Variants in MACROD2 observed in about 807,000 individuals in gnomAD.
MACROD2 encodes ADP-ribose glycohydrolase MACROD2.
A neutral mutation model predicts 70.4 loss-of-function variants in MACROD2; 36 were observed. The observed-to-expected ratio is 0.51, with a 90% CI of 0.39 to 0.68. The LOEUF is 0.68. MACROD2 is among the 30% of genes least tolerant of loss of function. The pLI, the probability that MACROD2 is intolerant of heterozygous loss-of-function variation, is 0.00. For synonymous variants in MACROD2, 172 were observed against 178.8 expected, an observed-to-expected ratio of 0.96 and a Z score of 0.30; for missense variants, 496 against 538.4, an observed-to-expected ratio of 0.92 and a Z score of 0.78.
At chr20:14,586,902 C>G (rs560672718) in intron 4 of MACROD2, among the ~76,000 whole-genome samples, 3 of 152,022 alleles carry the variant, frequency 2.0e-5, no homozygotes, top group African/African-American at 7.2e-5. Flanking sequence ...TACCACATTA[C>G]TCTTCTCTTT....
At chr20:15,018,421 A>C (rs2075138243) in intron 5 of MACROD2, among the ~76,000 whole-genome samples, 1 of 152,154 alleles carries the variant, frequency 6.6e-6, no homozygotes, top group East Asian at 1.9e-4. Context: ...AGTCTCTAGG[A>C]AGTTCCAAAT....
chr20:14,720,526 T>G (rs1260425156), intron 5 of MACROD2, among the ~76,000 whole-genome samples: 1 of 133,370 alleles, frequency 7.5e-6, no homozygotes, highest in Admixed American at 7.8e-5. Flanking sequence ...ATTTCCCAGC[T>G]GCCCCACAAC....
intron 8 of MACROD2, among the ~76,000 whole-genome samples, chr20:15,780,220 C>A (rs2051807509): frequency 6.6e-6 from 1 of 151,998 alleles, no homozygotes; most frequent in South Asian, 2.1e-4. Context: ...GTTAAACAAA[C>A]AGAAAAATAA....
intron 5 of MACROD2, among the ~76,000 whole-genome samples, chr20:15,075,994 G>A (rs906301283): frequency 6.6e-6 from 1 of 152,106 alleles, no homozygotes; most frequent in Non-Finnish European, 1.5e-5. Context: ...GATTATAAAG[G>A]CGATATGTGT....
At chr20:14,496,228 G>T (rs1050010201) in intron 4 of MACROD2, among the ~76,000 whole-genome samples, 3 of 151,970 alleles carry the variant, frequency 2.0e-5, no homozygotes, top group East Asian at 3.9e-4. Flanking sequence ...TCCCTTCAAA[G>T]GTCCATCAAG....
At chr20:14,979,209 C>T (rs531817016) in intron 5 of MACROD2, among the ~76,000 whole-genome samples, 2 of 151,598 alleles carry the variant, frequency 1.3e-5, no homozygotes, top group Non-Finnish European at 2.9e-5. Flanking sequence ...ATCCTCCTAC[C>T]TCGGCCTTCT....
chr20:14,471,229 C>A (rs117747973), intron 3 of MACROD2, among the ~76,000 whole-genome samples: 1 of 150,392 alleles, frequency 6.6e-6, no homozygotes, highest in Non-Finnish European at 1.5e-5. Context: ...CACCCTGCTT[C>A]GGCTAGCCCT....
intron 6 of MACROD2, among the ~76,000 whole-genome samples, chr20:15,292,129 G>A (rs953244293): frequency 2.0e-5 from 3 of 152,156 alleles, no homozygotes; most frequent in African/African-American, 7.2e-5. Context: ...TCCCATCTCA[G>A]CCTCCTGAAT....
intron 3 of MACROD2, among the ~76,000 whole-genome samples, chr20:14,240,857 G>T (rs994672052): frequency 2.0e-5 from 3 of 152,180 alleles, no homozygotes; most frequent in South Asian, 2.1e-4. Context: ...TTGGCTGGGC[G>T]TGGCGGCTCT....
At position 15,118,901 on chromosome 20, in the gene MACROD2, G is replaced by C. The variant is rs1003513255; in HGVS notation, c.419-111039G>C. Among the ~76,000 whole-genome samples, 5 of 152,274 alleles carry C rather than the reference G, an allele frequency of 3.3e-5. 1 individual carries two copies. In the East Asian group the frequency reaches 9.7e-4, roughly 29 times the overall value. ...TATCAAACAGGATAACTTAATTATT[G>C]GCACAGATTATTTTTTATTTGAGCA... On this transcript the variant is annotated intron_variant, in intron 5 of 17. Transcript: ENST00000684519.
intron 5 of MACROD2, among the ~76,000 whole-genome samples, chr20:15,078,069 T>G (rs1388809753): frequency 1.3e-5 from 2 of 152,122 alleles, no homozygotes; most frequent in South Asian, 4.1e-4. Context: ...AGAAAACTAA[T>G]TATGGAACAT....
At chr20:14,506,063 T>C (rs755680091) in intron 4 of MACROD2, among the ~76,000 whole-genome samples, 2 of 152,176 alleles carry the variant, frequency 1.3e-5, no homozygotes, top group Non-Finnish European at 2.9e-5. Context: ...GTGGGCAGGT[T>C]GTGCCTCTGT....
chr20:15,764,295 A>T (rs2051486653), intron 8 of MACROD2, among the ~76,000 whole-genome samples: 1 of 152,336 alleles, frequency 6.6e-6, no homozygotes. Context: ...ACACTGTCAC[A>T]TATCATTAGC....
At chr20:15,750,020 A>T (rs563686798) in intron 8 of MACROD2, among the ~76,000 whole-genome samples, 1 of 152,228 alleles carries the variant, frequency 6.6e-6, no homozygotes, top group East Asian at 1.9e-4. Flanking sequence ...CATTAAACTA[A>T]AAACCTTTTT....
At chr20:14,158,761 G>A (rs1428585752) in intron 3 of MACROD2, among the ~76,000 whole-genome samples, 1 of 152,088 alleles carries the variant, frequency 6.6e-6, no homozygotes, top group East Asian at 1.9e-4. Context: ...TTGTTCCATT[G>A]ATCAATGTGT....
At chr20:14,035,908 C>T (rs934163866) in intron 2 of MACROD2, among the ~76,000 whole-genome samples, 7 of 152,166 alleles carry the variant, frequency 4.6e-5, no homozygotes, top group Admixed American at 1.3e-4. Flanking sequence ...TTTGGGAGGC[C>T]AAGGCGGGCG....
chr20:15,910,843 T>C (rs1398709195), intron 10 of MACROD2, among the ~76,000 whole-genome samples: 1 of 152,222 alleles, frequency 6.6e-6, no homozygotes, highest in Non-Finnish European at 1.5e-5. Flanking sequence ...TCAAAACTGT[T>C]TTAAGCAAAC....
At chr20:15,659,805 A>G (rs1423497858) in intron 8 of MACROD2, among the ~76,000 whole-genome samples, 1 of 152,158 alleles carries the variant, frequency 6.6e-6, no homozygotes, top group African/African-American at 2.4e-5. Flanking sequence ...TTTGTGCTGA[A>G]TCAAAATGTG....
chr20:14,401,222 C>G (rs1448315131), intron 3 of MACROD2, among the ~76,000 whole-genome samples: 1 of 152,114 alleles, frequency 6.6e-6, no homozygotes, highest in East Asian at 1.9e-4. Context: ...TAGGTTGATT[C>G]CATGTGTTTG....
Sources: allele counts gnomAD v4.1 joint callset (sites outside exome capture counted in the v4.1 genomes callset), GRCh38; gene constraint gnomAD v4.1.1; transcripts MANE v1.5; gene names NCBI Gene and HGNC (gene_info 2026-07-23, HGNC 2026-07-21).